The following RAVER2 variants were observed in gnomAD, a reference collection of about 807,000 sequenced individuals.
RAVER2 encodes the protein ribonucleoprotein, PTB binding 2, also known as ribonucleoprotein PTB-binding 2.
A neutral mutation model predicts 78.1 loss-of-function variants in RAVER2; 46 were observed. The ratio of observed to expected loss-of-function variants is 0.59; its 90% confidence interval spans 0.46 to 0.75. The LOEUF (loss-of-function observed/expected upper bound fraction) is 0.75. Among genes scored for constraint, RAVER2 ranks in the 30% least tolerant of loss-of-function variants. The pLI, the probability that RAVER2 is intolerant of heterozygous loss-of-function variation, is 0.00. For synonymous variants in RAVER2, 311 were observed against 313.3 expected (o/e 0.99, Z 0.08); for missense variants, 793 against 837.5 (o/e 0.95, Z 0.66).
Position 64,788,817 on chromosome 1 carries a change from G to T in RAVER2, c.979-571G>T. ...AAAAAAAAAAAAAAAAGAAGATTTT[G>T]AATTGTAAGGCAACCCACATTGTTA... On this transcript the variant is annotated intron_variant, in intron 4 of 11. Transcript: ENST00000294428. Among the ~76,000 whole-genome samples, 3 of 150,796 alleles carry T rather than the reference G, an allele frequency of 2.0e-5. No homozygotes were observed. The Middle Eastern group carries it at 0.01, about 524-fold the overall frequency.
chr1:64,813,492 T>G (rs1178350134), intron 10 of RAVER2, among the ~76,000 whole-genome samples: 1 of 152,180 alleles, frequency 6.6e-6, no homozygotes, highest in African/African-American at 2.4e-5. Context: ...TATGTTTATT[T>G]AAAGTTATAT....
At chr1:64,820,030 G>T (rs1653847329) in intron 11 of RAVER2, among the ~76,000 whole-genome samples, 1 of 152,066 alleles carries the variant, frequency 6.6e-6, no homozygotes, top group Non-Finnish European at 1.5e-5. Flanking sequence ...AATGTATATA[G>T]ATATAGTATA....
intron 11 of RAVER2, among the ~76,000 whole-genome samples, chr1:64,829,001 C>T (rs1056868564): frequency 1.3e-5 from 2 of 152,184 alleles, no homozygotes; most frequent in South Asian, 4.1e-4. Flanking sequence ...TGAGTGACAC[C>T]CACTTTCATT....
chr1:64,774,670 G>A (rs1013819052), intron 2 of RAVER2, among the ~76,000 whole-genome samples: 1 of 152,086 alleles, frequency 6.6e-6, no homozygotes, highest in African/African-American at 2.4e-5. Flanking sequence ...CTCTTTTTTG[G>A]TTCCATATGA....
At chr1:64,788,013 T>C (rs1198835334) in intron 4 of RAVER2, among the ~76,000 whole-genome samples, 2 of 152,238 alleles carry the variant, frequency 1.3e-5, no homozygotes, top group Non-Finnish European at 2.9e-5. Flanking sequence ...TGAAAGTTTT[T>C]AATTTATCTT....
At position 64,768,653 on chromosome 1, in the gene RAVER2, C is replaced by G. The variant is rs766560164; in HGVS notation, c.250-3C>G. 9 of 1,543,412 alleles carry G rather than the reference C, an allele frequency of 5.8e-6. No individual in the cohort carries two copies. The highest frequency in any genetic ancestry group is 1.7e-4 in the Middle Eastern group (1 of 5,874). ...ACTGAATTCGTGTTTTTTTCTCTTT[C>G]AGGAAGTTCATGATTTGTTAAAAGA... On this transcript the variant is annotated splice_region_variant and splice_polypyrimidine_tract_variant and intron_variant, in intron 1 of 11. Transcript: ENST00000294428.
intron 8 of RAVER2, 131 bp from the exon 9 acceptor site, chr1:64,807,074 AC>A: frequency 9.5e-7 from 1 of 1,047,472 alleles, no homozygotes; most frequent in South Asian, 1.8e-5. Context: ...CTCTAACCTT[AC>A]CTTTTGCTGT....
intron 1 of RAVER2, among the ~76,000 whole-genome samples, chr1:64,763,263 C>G: frequency 6.6e-6 from 1 of 152,070 alleles, no homozygotes; most frequent in Non-Finnish European, 1.5e-5. Flanking sequence ...TGCCACTGCA[C>G]TCCAGCCTGG....
intron 1 of RAVER2, among the ~76,000 whole-genome samples, chr1:64,746,293 C>G (rs142180487): frequency 5.0e-4 from 76 of 152,234 alleles, no homozygotes; most frequent in African/African-American, 1.8e-3. Flanking sequence ...TTGTTCTTTT[C>G]TCTTTTCCTA....
chr1:64,818,396 C>G (rs1213395364), intron 11 of RAVER2, among the ~76,000 whole-genome samples: 7 of 151,934 alleles, frequency 4.6e-5, no homozygotes, highest in Non-Finnish European at 1.0e-4. Flanking sequence ...ATTAGCCGGG[C>G]GTGGTGGTGG....
intron 2 of RAVER2, among the ~76,000 whole-genome samples, chr1:64,777,245 A>G (rs1395777754): frequency 6.6e-6 from 1 of 152,154 alleles, no homozygotes; most frequent in African/African-American, 2.4e-5. Context: ...TAAGTTTTAT[A>G]TAAAGTCTTC....
chr1:64,748,358 C>A (rs1651600314), intron 1 of RAVER2, among the ~76,000 whole-genome samples: 1 of 152,194 alleles, frequency 6.6e-6, no homozygotes, highest in Non-Finnish European at 1.5e-5. Flanking sequence ...TCATTACTGT[C>A]CTGTTTCTTA....
At chr1:64,754,102 T>C (rs779134519) in intron 1 of RAVER2, among the ~76,000 whole-genome samples, 3 of 152,084 alleles carry the variant, frequency 2.0e-5, no homozygotes, top group Non-Finnish European at 4.4e-5. Flanking sequence ...ATACTTAGAG[T>C]TGTTTAATAT....
At chr1:64,821,207 CT>C (rs1340381757) in intron 11 of RAVER2, among the ~76,000 whole-genome samples, 1 of 152,130 alleles carries the variant, frequency 6.6e-6, no homozygotes, top group East Asian at 1.9e-4. Flanking sequence ...AGTATGTCTT[CT>C]TTTGAGAAGT....
intron 2 of RAVER2, among the ~76,000 whole-genome samples, chr1:64,774,398 C>A (rs921381767): frequency 1.3e-5 from 2 of 152,186 alleles, no homozygotes; most frequent in African/African-American, 4.8e-5. Flanking sequence ...CTGCTTATGG[C>A]TAGCCAGTTT....
intron 2 of RAVER2, among the ~76,000 whole-genome samples, chr1:64,773,258 T>C (rs1458331638): frequency 1.3e-5 from 2 of 152,122 alleles, no homozygotes; most frequent in Non-Finnish European, 2.9e-5. Context: ...TACATAGATA[T>C]ACATGTGCCA....
chr1:64,830,798 C>T (rs1654108014), intron 11 of RAVER2, 41 bp from the exon 12 acceptor site: 2 of 1,522,470 alleles, frequency 1.3e-6, no homozygotes, highest in Non-Finnish European at 1.8e-6. Flanking sequence ...AATAAGCCAA[C>T]TTTAGATTTT....
At chr1:64,830,961 C>T in exon 12 of RAVER2, 2 of 1,613,656 alleles carry the variant, frequency 1.2e-6, no homozygotes, top group East Asian at 2.2e-5. Flanking sequence ...TGGAAACTTA[C>T]TTAAAAAAGA....
At chr1:64,756,563 C>A (rs1570527170) in intron 1 of RAVER2, among the ~76,000 whole-genome samples, 1 of 152,152 alleles carries the variant, frequency 6.6e-6, no homozygotes, top group East Asian at 1.9e-4. Context: ...GAAAAAGTTG[C>A]AAAGATAACA....
Sources: allele counts gnomAD v4.1 joint callset (sites outside exome capture counted in the v4.1 genomes callset), GRCh38; gene constraint gnomAD v4.1.1; transcripts MANE v1.5; gene names NCBI Gene and HGNC (gene_info 2026-07-23, HGNC 2026-07-21).